MTMR6: variants seen among roughly 807,000 people sequenced by gnomAD.
MTMR6 encodes phosphatidylinositol-3,5-bisphosphate 3-phosphatase MTMR6.
In MTMR6, 47 loss-of-function variants were observed where a neutral mutation model predicts 80.1. That is an observed-to-expected ratio of 0.59 (90% confidence interval 0.46 to 0.75). The LOEUF (loss-of-function observed/expected upper bound fraction) is 0.75. Ranked by LOEUF, MTMR6 falls within the 30% of genes least tolerant of loss-of-function variation. MTMR6 has a pLI of 0.00. For missense variants in MTMR6, 629 were observed against 730.9 expected (o/e 0.86, Z 1.61); for synonymous variants, 254 against 253.0 (o/e 1.00, Z -0.04).
chr13:25,259,681 A>G (rs1371232898), intron 6 of MTMR6, among the ~76,000 whole-genome samples: 1 of 152,200 alleles, frequency 6.6e-6, no homozygotes, highest in Non-Finnish European at 1.5e-5. Flanking sequence ...AATAAGAACT[A>G]TGAGGTCCTG....
intron 2 of MTMR6, among the ~76,000 whole-genome samples, chr13:25,272,467 G>C (rs746934419): frequency 1.1e-4 from 17 of 151,674 alleles, no homozygotes; most frequent in Non-Finnish European, 2.1e-4. Context: ...TAATTCAGTG[G>C]GTACATGTGC....
intron 3 of MTMR6, 30 bp from the exon 4 acceptor site, chr13:25,266,316 T>G: frequency 6.4e-7 from 1 of 1,564,384 alleles, no homozygotes; most frequent in Non-Finnish European, 8.8e-7. Flanking sequence ...AAATGTTAAG[T>G]GCAATTTATA....
intron 1 of MTMR6, among the ~76,000 whole-genome samples, chr13:25,275,200 G>T (rs1407749961): frequency 3.3e-5 from 5 of 152,022 alleles, no homozygotes; most frequent in Non-Finnish European, 5.9e-5. Flanking sequence ...GCCAACACGG[G>T]TGCATCACCT....
chr13:25,252,858 T>G (rs1566034670), intron 11 of MTMR6, among the ~76,000 whole-genome samples: 1 of 152,202 alleles, frequency 6.6e-6, no homozygotes, highest in Non-Finnish European at 1.5e-5. Context: ...TTTATTCCCT[T>G]TACGCATTTT....
intron 6 of MTMR6, among the ~76,000 whole-genome samples, chr13:25,260,006 C>T (rs868509089): frequency 9.9e-5 from 15 of 151,692 alleles, no homozygotes; most frequent in Admixed American, 1.3e-4. Flanking sequence ...GGATTACAGG[C>T]GCCTGCCATC....
intron 2 of MTMR6, among the ~76,000 whole-genome samples, chr13:25,273,692 A>C (rs9578840): frequency 0.036 from 5,448 of 151,902 alleles, 208 homozygotes; most frequent in South Asian, 0.13. Context: ...TGCCCAGCTA[A>C]TTTTTTGTAT....
In MTMR6 at chr13:25,254,879, A is replaced by G. The variant is rs1957164143; in HGVS notation, c.1096-445T>C. On this transcript the variant is annotated intron_variant, in intron 9 of 13. Coordinates refer to ENST00000381801, the MANE Select transcript of MTMR6 (RefSeq NM_004685.5). ...ACATTTTTTATATTATTTATATACT[A>G]CTTTTTTTAAGAAAAAAAAACTAAT... 1.3e-5 allele frequency among the ~76,000 whole-genome samples: 2 copies of G among 151,978 alleles called. 1 individual carries two copies. The highest frequency in any genetic ancestry group is 4.1e-4 in the South Asian group (2 of 4,828).
rs754462109 is a variant in MTMR6, at chr13:25,252,005, A to G, written c.1347-21T>C. ...TCAACCTTAATATAATGAGAAAAAC[A>G]CAGAGATCTTTCCTATAGATGCAAA... On this transcript the variant is annotated intron_variant, in intron 11 of 13. Transcript: ENST00000381801. 4 of 1,602,534 alleles carry G rather than the reference A, an allele frequency of 2.5e-6. No homozygotes were observed. In the South Asian group the frequency reaches 3.4e-5, roughly 13 times the overall value.
chr13:25,251,558 T>G lies in MTMR6; in HGVS notation c.1605+91A>C. 8.5e-7 allele frequency: 1 copy of G among 1,171,356 alleles called. No individual in the cohort carries two copies. The highest frequency in any genetic ancestry group is 1.6e-5 in the African/African-American group (1 of 63,878). The allele number at this position is 1,171,356 out of a possible 1,614,324, so 72.6% of individuals were successfully genotyped here. On this transcript the variant is annotated intron_variant, in intron 13 of 13. Transcript: ENST00000381801. The surrounding 1 kb of genome is among the most constrained non-coding windows in gnomAD (Gnocchi z 4.1). ...GAAGAAACTGCTTACTTCAGAAGTTTATGTGCTGATTTACACCAACAATAC... is the reference window on the plus strand; with the variant it reads ...GAAGAAACTGCTTACTTCAGAAGTTGATGTGCTGATTTACACCAACAATAC...
chr13:25,256,460 C>G (rs964223314), intron 9 of MTMR6, among the ~76,000 whole-genome samples: 4 of 152,174 alleles, frequency 2.6e-5, no homozygotes, highest in Admixed American at 2.6e-4. Context: ...TTAAATCTTC[C>G]TTTGCTTTAA....
chr13:25,284,171 A>T (rs1872657345), intron 1 of MTMR6, among the ~76,000 whole-genome samples: 1 of 152,216 alleles, frequency 6.6e-6, no homozygotes, highest in African/African-American at 2.4e-5. Context: ...TAGAATTATC[A>T]TCAGCATTTA....
intron 6 of MTMR6, among the ~76,000 whole-genome samples, chr13:25,259,915 G>A (rs1362377718): frequency 2.6e-5 from 4 of 151,966 alleles, no homozygotes; most frequent in Non-Finnish European, 5.9e-5. Flanking sequence ...AGTCTGGAGT[G>A]CAATGGCACA....
intron 9 of MTMR6, among the ~76,000 whole-genome samples, 184 bp from the exon 10 acceptor site, chr13:25,254,618 T>C (rs1346176138): frequency 2.6e-5 from 4 of 152,160 alleles, no homozygotes; most frequent in African/African-American, 9.6e-5. Context: ...TAAAGAAGAA[T>C]AAAAATGCAT....
intron 13 of MTMR6, among the ~76,000 whole-genome samples, chr13:25,249,718 A>G (rs745654866): frequency 6.6e-6 from 1 of 152,172 alleles, no homozygotes; most frequent in Non-Finnish European, 1.5e-5. Flanking sequence ...TAAACAAACA[A>G]TCCAGCAAGA....
rs866722196 is a variant in MTMR6 at position 25,253,764 on chromosome 13, T to C, written c.1346A>G (p.Lys449Arg). Reference sequence around the variant, plus strand: ...GACTCTTTTAATTGAATCATCTTACTTGAGCTCTTCTCTTTCCTTCTGACA... The same window carrying C: ...GACTCTTTTAATTGAATCATCTTACCTGAGCTCTTCTCTTTCCTTCTGACA... ...GNCQKEREEL[K>R]LKEKTYSLWP... The change falls in exon 11 of 14, where the codon AAG (lysine) becomes AGG (arginine). Residue 449 changes from lysine to arginine, a missense_variant and splice_region_variant. By Grantham distance (26) the Lys-to-Arg change is conservative (BLOSUM62 2). Coordinates refer to ENST00000381801, the MANE Select transcript of MTMR6 (RefSeq NM_004685.5). 54 of 1,613,580 alleles carry C rather than the reference T, an allele frequency of 3.3e-5. No homozygotes were observed. Among genetic ancestry groups the C allele is most frequent in the African/African-American group, 5.3e-5 (4 of 74,944 alleles).
chr13:25,280,951 G>A (rs1457909326), intron 1 of MTMR6, among the ~76,000 whole-genome samples: 1 of 152,286 alleles, frequency 6.6e-6, no homozygotes, highest in Non-Finnish European at 1.5e-5. Flanking sequence ...GGTCCAGGCA[G>A]AAAGTTCAAA....
rs1413067592 is a variant in MTMR6 at position 25,251,416 on chromosome 13, G to C, written c.1605+233C>G. 1.3e-5 allele frequency among the ~76,000 whole-genome samples: 2 copies of C among 152,122 alleles called. No homozygotes were observed. The highest frequency in any genetic ancestry group is 2.4e-5 in the African/African-American group (1 of 41,404). ...AAGCTAGCTGGTGGGTACACAGATA[G>C]TTATTATGTTTATCTATACGTTATG... is the stretch of plus-strand genomic sequence containing the variant. On this transcript the variant is annotated intron_variant, in intron 13 of 13. Transcript: ENST00000381801. The surrounding 1 kb of genome is among the most constrained non-coding windows in gnomAD (Gnocchi z 4.1).
In MTMR6 at chr13:25,251,009, CTTTTTT is replaced by C. The variant is rs5802321; in HGVS notation, c.1605+634_1605+639del. Among the ~76,000 whole-genome samples the C allele has an allele frequency of 6.6e-5, 10 of 151,190 alleles. No homozygotes were observed. The highest frequency in any genetic ancestry group is 1.3e-4 in the Non-Finnish European group (9 of 67,818). On this transcript the variant is annotated intron_variant, in intron 13 of 13. Transcript: ENST00000381801. This position sits in a 1 kb window ranked among gnomAD's most constrained non-coding sequence, Gnocchi z 4.1. ...CTTCAAATAGATCTATGTTTTATTTCTTTTTTTTTTGTTTGTTTTTGTTTTGAGATG... is the reference window on the plus strand; with the variant it reads ...CTTCAAATAGATCTATGTTTTATTTCTTTTGTTTGTTTTTGTTTTGAGATG...
chr13:25,266,207 A>G lies in MTMR6; in HGVS notation c.384T>C (p.Ile128=), dbSNP rs369988195. The G allele has an allele frequency of 5.6e-6, 9 of 1,613,984 alleles. No individual in the cohort carries two copies. Among genetic ancestry groups the G allele is most frequent in the African/African-American group, 5.3e-5 (4 of 74,924 alleles). Residue 128 remains isoleucine (I), a synonymous_variant, in exon 4 of 14, where the codon ATT becomes ATC. Transcript: ENST00000381801. The part of the protein sequence containing the change: ...DSERLQGWQL[I]DLAEEYKRMG... ...TCCTCTTATATTCCTCAGCGAGATC[A>G]ATGAGCTGCCAGCCTTGTAGTCGTT...
Sources: gnomAD v4.1 joint callset for allele counts (sites outside exome capture counted in the v4.1 genomes callset) on GRCh38, gnomAD v4.1.1 for gene constraint, Gnocchi (gnomAD v3.1) non-coding constraint, MANE v1.5 for transcripts, NCBI Gene and HGNC (gene_info 2026-07-23, HGNC 2026-07-21) for gene names.